DCTN6: variants seen among roughly 807,000 people sequenced by gnomAD.
DCTN6 encodes dynactin 6.
In DCTN6, 15 loss-of-function variants were observed where a neutral mutation model predicts 25.8. That is an observed-to-expected ratio of 0.58 (90% CI 0.39 to 0.89). The LOEUF (loss-of-function observed/expected upper bound fraction) is 0.89. Among genes scored for constraint, DCTN6 ranks in the 40% least tolerant of loss-of-function variants. DCTN6 has a pLI of 0.00. For synonymous variants in DCTN6, 64 were observed against 78.3 expected, an observed-to-expected ratio of 0.82 and a Z score of 0.96; for missense variants, 198 against 237.6, an observed-to-expected ratio of 0.83 and a Z score of 1.09.
chr8:30,179,468 C>T lies in DCTN6; in HGVS notation c.331+13C>T, dbSNP rs1251762261. The T allele has an allele frequency of 6.2e-6, 10 of 1,607,956 alleles. No homozygotes were observed. The highest frequency in any genetic ancestry group is 5.1e-5 in the Admixed American group (3 of 59,268). On this transcript the variant is annotated intron_variant, in intron 5 of 6. Transcript: ENST00000221114. ...ATTGAATCAAAAGGTAAGCTACATT[C>T]AGAGTTTCATTGTCAAAGCAGTGAC...
chr8:30,179,728 A>G (rs1248149315), intron 5 of DCTN6, among the ~76,000 whole-genome samples: 1 of 152,256 alleles, frequency 6.6e-6, no homozygotes, highest in Non-Finnish European at 1.5e-5. Flanking sequence ...TCTACTAAAT[A>G]CTAGTCTCTG....
chr8:30,160,702 A>C (rs1037334199), intron 1 of DCTN6, among the ~76,000 whole-genome samples: 1 of 152,360 alleles, frequency 6.6e-6, no homozygotes, highest in African/African-American at 2.4e-5. Flanking sequence ...GGTATTGTAA[A>C]TTATCTAGAA....
chr8:30,159,535 C>G (rs1282696175), intron 1 of DCTN6, among the ~76,000 whole-genome samples: 2 of 152,108 alleles, frequency 1.3e-5, no homozygotes, highest in South Asian at 2.1e-4. Context: ...TTTTAGAACT[C>G]TCTTATGAGC....
chr8:30,173,658 A>G (rs2117591175), intron 2 of DCTN6, among the ~76,000 whole-genome samples: 1 of 151,036 alleles, frequency 6.6e-6, no homozygotes, highest in South Asian at 2.1e-4. Flanking sequence ...TGAGCCCAGG[A>G]ATTGAAGGCT....
At chr8:30,180,421 T>A (rs957531225) in intron 5 of DCTN6, 67 bp from the exon 6 acceptor site, 23 of 1,556,840 alleles carry the variant, frequency 1.5e-5, no homozygotes, top group Non-Finnish European at 2.0e-5. Context: ...CTAAATCACC[T>A]TAAGAAAAAA....
intron 2 of DCTN6, among the ~76,000 whole-genome samples, chr8:30,169,250 G>C (rs1803728122): frequency 6.6e-6 from 1 of 152,158 alleles, no homozygotes; most frequent in South Asian, 2.1e-4. Context: ...AGGTACTTCA[G>C]CTTACAGTTC....
intron 1 of DCTN6, among the ~76,000 whole-genome samples, chr8:30,158,477 G>A (rs1196871294): frequency 3.3e-5 from 5 of 152,098 alleles, no homozygotes; most frequent in Admixed American, 3.3e-4. Flanking sequence ...GGAGTGACAG[G>A]ATGTTTCCAG....
At chr8:30,166,561 G>T (rs1344851763) in intron 2 of DCTN6, among the ~76,000 whole-genome samples, 2 of 152,054 alleles carry the variant, frequency 1.3e-5, no homozygotes, top group Admixed American at 1.3e-4. Context: ...GGTGGGGGGG[G>T]TATGTATTTC....
intron 2 of DCTN6, among the ~76,000 whole-genome samples, chr8:30,168,766 A>T (rs1253447002): frequency 6.6e-6 from 1 of 152,226 alleles, no homozygotes; most frequent in African/African-American, 2.4e-5. Flanking sequence ...CTTAACCAGA[A>T]ACCCTATGAC....
intron 2 of DCTN6, among the ~76,000 whole-genome samples, chr8:30,171,590 A>G (rs893078173): frequency 2.0e-5 from 3 of 152,126 alleles, no homozygotes; most frequent in African/African-American, 7.2e-5. Flanking sequence ...TAGTTATGGA[A>G]AATACTTTCA....
intron 4 of DCTN6, among the ~76,000 whole-genome samples, chr8:30,179,201 A>G (rs1353269951): frequency 6.6e-6 from 1 of 152,172 alleles, no homozygotes; most frequent in Non-Finnish European, 1.5e-5. Flanking sequence ...TAAAAACACA[A>G]GTCATTTATT....
intron 1 of DCTN6, among the ~76,000 whole-genome samples, chr8:30,157,423 A>G (rs536596577): frequency 3.3e-5 from 5 of 152,364 alleles, no homozygotes; most frequent in African/African-American, 1.2e-4. Flanking sequence ...TTTTTAATAC[A>G]ATGGTTTCCT....
intron 4 of DCTN6, among the ~76,000 whole-genome samples, chr8:30,179,061 A>G (rs1400798163): frequency 6.6e-6 from 1 of 152,214 alleles, no homozygotes; most frequent in East Asian, 1.9e-4. Flanking sequence ...GAAATTCTAT[A>G]TATTTATATA....
At chr8:30,177,752 T>A (rs1318394732) in intron 4 of DCTN6, among the ~76,000 whole-genome samples, 1 of 152,112 alleles carries the variant, frequency 6.6e-6, no homozygotes, top group Non-Finnish European at 1.5e-5. Context: ...TAAAAGTAGG[T>A]CATCTAGCTC....
chr8:30,180,763 G>A, intron 6 of DCTN6, 133 bp downstream of exon 6: 3 of 1,132,992 alleles, frequency 2.6e-6, no homozygotes, highest in Non-Finnish European at 3.6e-6. Context: ...CAGTCTCAGT[G>A]ACTCGTGCCT....
intron 1 of DCTN6, 25 bp downstream of exon 1, chr8:30,156,431 C>T (rs1283935135): frequency 3.1e-6 from 5 of 1,591,224 alleles, no homozygotes; most frequent in East Asian, 2.3e-5. Flanking sequence ...TGAGAAAAGC[C>T]TTTTCTCAGC....
intron 4 of DCTN6, chr8:30,177,433 C>T (rs1007510513): frequency 1.1e-5 from 4 of 352,758 alleles, no homozygotes; most frequent in South Asian, 7.2e-5. Context: ...AGGCTGGGTG[C>T]GGTGGCTCAT....
intron 1 of DCTN6, among the ~76,000 whole-genome samples, chr8:30,160,689 T>A (rs1179593700): frequency 6.6e-6 from 1 of 152,236 alleles, no homozygotes; most frequent in Non-Finnish European, 1.5e-5. Context: ...TTACATTGTA[T>A]TAGGTATTGT....
At chr8:30,172,191 G>C (rs1294703373) in intron 2 of DCTN6, among the ~76,000 whole-genome samples, 2 of 152,040 alleles carry the variant, frequency 1.3e-5, no homozygotes, top group Admixed American at 6.6e-5. Context: ...CGAAAGTTGT[G>C]ATGTCTAAAT....
Sources: gnomAD v4.1 joint callset for allele counts (sites outside exome capture counted in the v4.1 genomes callset) on GRCh38, gnomAD v4.1.1 for gene constraint, MANE v1.5 for transcripts, NCBI Gene and HGNC (gene_info 2026-07-23, HGNC 2026-07-21) for gene names.